Variants in CACUL1 observed in about 807,000 individuals in gnomAD.
CACUL1 encodes CDK2 associated cullin domain 1.
A neutral mutation model predicts 45.2 loss-of-function variants in CACUL1; 13 were observed. The ratio of observed to expected loss-of-function variants is 0.29; its 90% CI spans 0.19 to 0.46. The LOEUF is 0.46. Ranked by LOEUF, CACUL1 falls within the 20% of genes least tolerant of loss-of-function variation. The probability of loss-of-function intolerance (pLI) is 1.00; values close to 1 mark genes in which losing one functional copy is unlikely to be tolerated. For missense variants in CACUL1, 421 were observed against 471.4 expected, an observed-to-expected ratio of 0.89 and a Z score of 0.99; for synonymous variants, 197 against 174.2, an observed-to-expected ratio of 1.13 and a Z score of -1.03.
At chr10:118,749,042 T>C (rs940249338) in intron 1 of CACUL1, among the ~76,000 whole-genome samples, 1 of 152,184 alleles carries the variant, frequency 6.6e-6, no homozygotes, top group South Asian at 2.1e-4. Context: ...GAATATAAAT[T>C]TGTCATGTTC....
chr10:118,707,111 T>C (rs1564831609), intron 4 of CACUL1, among the ~76,000 whole-genome samples: 2 of 152,212 alleles, frequency 1.3e-5, no homozygotes, highest in Non-Finnish European at 2.9e-5. Context: ...CAGCAATGTT[T>C]TACTGTTCTA....
At chr10:118,742,453 A>G (rs1253361275) in intron 1 of CACUL1, among the ~76,000 whole-genome samples, 1 of 152,248 alleles carries the variant, frequency 6.6e-6, no homozygotes, top group Non-Finnish European at 1.5e-5. Flanking sequence ...AGTAAACATT[A>G]AAATGCCTTT....
chr10:118,701,250 GA>G, intron 5 of CACUL1, 55 bp downstream of exon 5: 9 of 985,504 alleles, frequency 9.1e-6, no homozygotes, highest in African/African-American at 1.6e-5. Flanking sequence ...AAAAAAAAAA[GA>G]AAAAGGAAAG....
chr10:118,709,667 G>C (rs1320347863), intron 3 of CACUL1, among the ~76,000 whole-genome samples: 2 of 152,158 alleles, frequency 1.3e-5, no homozygotes, highest in Admixed American at 1.3e-4. Flanking sequence ...ATGCCACATG[G>C]AAGGATTCCT....
At position 118,686,602 on chromosome 10, in the gene CACUL1, A is replaced by G. The variant is rs12440; in HGVS notation, c.1065T>C (p.Ala355=). 0.035 allele frequency: 56,833 copies of G among 1,612,060 alleles called. 1,254 individuals carry two copies. Among genetic ancestry groups the G allele is most frequent in the African/African-American group, 0.067 (5,004 of 74,968 alleles). The change falls in exon 8 of 9, where the codon GCT becomes GCC. Residue 355 remains alanine, a synonymous_variant. Transcript: ENST00000369151. The part of the protein sequence containing the change: ...QSRKRAGDEL[A]YNSSSACASS... ...GGAAGGAACATCATTACTTACTATA[A>G]GCCAACTCATCCCCAGCTCTCTTCC...
chr10:118,739,446 C>T (rs909880870), intron 1 of CACUL1, among the ~76,000 whole-genome samples: 3 of 152,140 alleles, frequency 2.0e-5, no homozygotes, highest in African/African-American at 4.8e-5. Context: ...CACCTGACTT[C>T]TCCATTTTAA....
At chr10:118,711,980 G>T (rs1290690810) in intron 3 of CACUL1, among the ~76,000 whole-genome samples, 1 of 152,200 alleles carries the variant, frequency 6.6e-6, no homozygotes, top group Non-Finnish European at 1.5e-5. Flanking sequence ...CCCCATTGGG[G>T]AAACTGTTAA....
intron 5 of CACUL1, among the ~76,000 whole-genome samples, chr10:118,700,188 G>A (rs1845365003): frequency 6.6e-6 from 1 of 152,054 alleles, no homozygotes; most frequent in South Asian, 2.1e-4. Flanking sequence ...AGTTCATTGT[G>A]GTGAACGCTA....
Position 118,684,080 on chromosome 10 carries a change from A to C in CACUL1, c.*2048T>G, listed in dbSNP as rs934574146. The C allele has an allele frequency of 5.2e-5, 8 of 152,670 alleles. No individual in the cohort carries two copies. Among genetic ancestry groups the C allele is most frequent in the Non-Finnish European group, 1.2e-4 (8 of 68,044 alleles). The allele number at this position is 152,670 out of a possible 1,614,324, so 9.5% of individuals were successfully genotyped here. ...TTATTAATACATACATAGTAAAAAG[A>C]ATATATTTCTCCATGAACTTAATAA... On this transcript the variant is annotated 3_prime_UTR_variant, in exon 9 of 9. Transcript: ENST00000369151.
At chr10:118,736,568 C>T (rs536948951) in intron 1 of CACUL1, among the ~76,000 whole-genome samples, 1 of 146,872 alleles carries the variant, frequency 6.8e-6, no homozygotes, top group Non-Finnish European at 1.5e-5. Context: ...TCTTAAAACT[C>T]CTGGGCTCAA....
chr10:118,686,194 A>T (rs200992968), intron 8 of CACUL1, 26 bp from the exon 9 acceptor site: 1 of 1,594,104 alleles, frequency 6.3e-7, no homozygotes, highest in African/African-American at 1.3e-5. Flanking sequence ...AATAGGAAAA[A>T]GTATGAAGAG....
At position 118,733,709 on chromosome 10, in the gene CACUL1, C is replaced by A. The variant is rs371713601; in HGVS notation, c.368-3299G>T. Among the ~76,000 whole-genome samples, 6 of 152,256 alleles carry A rather than the reference C, an allele frequency of 3.9e-5. No homozygotes were observed. In the South Asian group the frequency reaches 1.0e-3, roughly 26 times the overall value. On this transcript the variant is annotated intron_variant, in intron 1 of 8. Transcript: ENST00000369151. ...TCAACTTTGCCCATAGAAAAGCTTA[C>A]ACTCACCAAAAGAAAAAGTAGGCCA...
chr10:118,738,000 C>G (rs1463528072), intron 1 of CACUL1, among the ~76,000 whole-genome samples: 5 of 152,210 alleles, frequency 3.3e-5, no homozygotes, highest in Non-Finnish European at 7.4e-5. Context: ...AACTGCAGGT[C>G]TATGACAGTT....
At chr10:118,741,974 CT>C (rs1589619104) in intron 1 of CACUL1, among the ~76,000 whole-genome samples, 2 of 152,328 alleles carry the variant, frequency 1.3e-5, no homozygotes, top group East Asian at 3.9e-4. Flanking sequence ...TCCCCACCCC[CT>C]ATCCTCCTGG....
intron 3 of CACUL1, among the ~76,000 whole-genome samples, chr10:118,722,243 C>A (rs1845608160): frequency 6.6e-6 from 1 of 151,910 alleles, no homozygotes; most frequent in South Asian, 2.1e-4. Context: ...GCCACCATGC[C>A]CGGCTAATTT....
intron 1 of CACUL1, among the ~76,000 whole-genome samples, chr10:118,735,061 T>C (rs1317564882): frequency 6.6e-6 from 1 of 152,250 alleles, no homozygotes; most frequent in Non-Finnish European, 1.5e-5. Flanking sequence ...AGGAATTCAC[T>C]GCTAGAGCCC....
intron 6 of CACUL1, chr10:118,692,426 T>C (rs2119553870): frequency 6.6e-6 from 1 of 152,130 alleles, no homozygotes; most frequent in East Asian, 1.9e-4. Context: ...ACCAGATAAA[T>C]GAGTGAAAGA....
At position 118,684,059 on chromosome 10, in the gene CACUL1, T is replaced by TAATA. The variant is rs1297425130; in HGVS notation, c.*2065_*2068dup. ...AAACTTTACTTTGCCCACTTTTTATTAATACATACATAGTAAAAAGAATAT... is the reference window on the plus strand; with the variant it reads ...AAACTTTACTTTGCCCACTTTTTATTAATAAATACATACATAGTAAAAAGAATAT... On this transcript the variant is annotated 3_prime_UTR_variant, in exon 9 of 9. Coordinates refer to ENST00000369151, the MANE Select transcript of CACUL1 (RefSeq NM_153810.5). 2 of 152,662 alleles carry TAATA rather than the reference T, an allele frequency of 1.3e-5. No homozygotes were observed. The allele number at this position is 152,662 out of a possible 1,614,324, so 9.5% of individuals were successfully genotyped here. A position where few individuals can be genotyped will look rare whatever the true frequency, so the allele number is the denominator to read the frequency against.
At chr10:118,754,126 C>G (rs1232096065) in intron 1 of CACUL1, among the ~76,000 whole-genome samples, 1 of 152,150 alleles carries the variant, frequency 6.6e-6, no homozygotes, top group Non-Finnish European at 1.5e-5. Context: ...AGGGATCGCA[C>G]TGACCGAACT....
Sources: gnomAD v4.1 joint callset for allele counts (sites outside exome capture counted in the v4.1 genomes callset) on GRCh38, gnomAD v4.1.1 for gene constraint, MANE v1.5 for transcripts, NCBI Gene and HGNC (gene_info 2026-07-23, HGNC 2026-07-21) for gene names.